Variants in GALNT9 observed in about 807,000 individuals in gnomAD.
GALNT9 encodes polypeptide N-acetylgalactosaminyltransferase 9.
GALNT9 carries 47 observed loss-of-function variants against 63.1 expected under a neutral mutation model. The ratio of observed to expected loss-of-function variants is 0.75; its 90% CI spans 0.59 to 0.95. GALNT9 has a LOEUF of 0.95. Among genes scored for constraint, GALNT9 ranks in the 40% least tolerant of loss-of-function variants. The pLI is 0.00. For missense variants in GALNT9, 829 were observed against 874.8 expected (o/e 0.95, Z 0.66); for synonymous variants, 396 against 365.7 (o/e 1.08, Z -0.94).
Position 132,263,440 on chromosome 12 carries a change from C to T in GALNT9, c.420-815G>A, listed in dbSNP as rs542425639. On this transcript the variant is annotated intron_variant, in intron 2 of 10. Transcript: ENST00000328957. ...TACGTCCTAGGACGGACTGCAGGAGCGGCTGCAGGTTGGAAAGGAGAGGTT... is the reference window on the plus strand; with the variant it reads ...TACGTCCTAGGACGGACTGCAGGAGTGGCTGCAGGTTGGAAAGGAGAGGTT... Among the ~76,000 whole-genome samples the T allele has an allele frequency of 3.0e-4, 46 of 151,472 alleles. No homozygotes were observed. In the South Asian group the frequency reaches 8.3e-3, roughly 27 times the overall value.
chr12:132,270,913 CAG>C (rs556453649), intron 2 of GALNT9, among the ~76,000 whole-genome samples: 27 of 151,860 alleles, frequency 1.8e-4, no homozygotes, highest in African/African-American at 6.5e-4. Flanking sequence ...GGCAGAGATT[CAG>C]AGAGAGCAAG....
At chr12:132,209,003 T>C (rs1876839413) in intron 6 of GALNT9, among the ~76,000 whole-genome samples, 1 of 152,218 alleles carries the variant, frequency 6.6e-6, no homozygotes, top group African/African-American at 2.4e-5. Flanking sequence ...GGTGTCCTGG[T>C]TTGGGTGACG....
chr12:132,304,909 G>T (rs868962576), intron 1 of GALNT9, among the ~76,000 whole-genome samples: 1 of 7,840 alleles, frequency 1.3e-4, no homozygotes. Context: ...GCCCGGACAC[G>T]CCCTCACCGG....
Position 132,282,604 on chromosome 12 carries a change from T to C in GALNT9, c.419+3646A>G. Among the ~76,000 whole-genome samples the C allele has an allele frequency of 6.6e-6, 1 of 152,010 alleles. No homozygotes were observed. Among genetic ancestry groups the C allele is most frequent in the Non-Finnish European group, 1.5e-5 (1 of 68,002 alleles). On this transcript the variant is annotated intron_variant, in intron 2 of 10. Transcript: ENST00000328957. The surrounding 1 kb of genome is among the most constrained non-coding windows in gnomAD (Gnocchi z 4.5). Reference sequence around the variant, plus strand: ...AAGCTCTCCCCTCTTGATGATAAGGTTGCTGCAGCTCCCCCAGCTCCCAGC... The same window carrying C: ...AAGCTCTCCCCTCTTGATGATAAGGCTGCTGCAGCTCCCCCAGCTCCCAGC...
At chr12:132,276,433 C>T (rs1011128284) in intron 2 of GALNT9, 1 of 155,266 alleles carries the variant, frequency 6.4e-6, no homozygotes, top group African/African-American at 2.4e-5. Flanking sequence ...CCCTTCCCAT[C>T]CCAGACCCGA....
At chr12:132,225,232 C>T (rs1342837509) in intron 6 of GALNT9, among the ~76,000 whole-genome samples, 6 of 144,830 alleles carry the variant, frequency 4.1e-5, no homozygotes, top group African/African-American at 1.6e-4. Context: ...TCCATATACA[C>T]ATCCCATATA....
In GALNT9 at chr12:132,252,584, G is replaced by A. The variant is rs1392958321; in HGVS notation, c.960-4557C>T. Among the ~76,000 whole-genome samples, 1 of 152,158 alleles carries A rather than the reference G, an allele frequency of 6.6e-6. No homozygotes were observed. Among genetic ancestry groups the A allele is most frequent in the African/African-American group, 2.4e-5 (1 of 41,426 alleles). Reference sequence around the variant, plus strand: ...GCCTGGGGGGAACCACTGCCATCAAGACACGGAGACCTGGCTGGGCGCACT... The same window carrying A: ...GCCTGGGGGGAACCACTGCCATCAAAACACGGAGACCTGGCTGGGCGCACT... On this transcript the variant is annotated intron_variant, in intron 5 of 10. Coordinates refer to ENST00000328957, the MANE Select transcript of GALNT9 (RefSeq NM_001122636.2). The surrounding 1 kb of genome is among the most constrained non-coding windows in gnomAD (Gnocchi z 5.2).
intron 2 of GALNT9, among the ~76,000 whole-genome samples, chr12:132,267,983 ACT>A (rs1158486659): frequency 2.0e-5 from 3 of 149,674 alleles, no homozygotes; most frequent in Non-Finnish European, 4.4e-5. Context: ...ACCCACATGA[ACT>A]CACACACATG....
intron 1 of GALNT9, among the ~76,000 whole-genome samples, chr12:132,298,235 T>C (rs906931863): frequency 2.0e-5 from 3 of 152,038 alleles, no homozygotes; most frequent in Non-Finnish European, 1.5e-5. Context: ...ATTCCCATGA[T>C]GACCATTGCA....
chr12:132,210,918 C>T (rs915092367), intron 6 of GALNT9, among the ~76,000 whole-genome samples: 20 of 151,724 alleles, frequency 1.3e-4, no homozygotes, highest in Admixed American at 6.6e-5. Context: ...GTCTGGTGGT[C>T]GGCTGCCGGC....
chr12:132,209,801 G>T (rs1350568682), intron 6 of GALNT9, among the ~76,000 whole-genome samples: 1 of 152,146 alleles, frequency 6.6e-6, no homozygotes. Flanking sequence ...GAAAACTCAG[G>T]AATAATCCAT....
At chr12:132,304,957 GCCCTCACCCGGGCACA>G (rs1258601127) in intron 1 of GALNT9, among the ~76,000 whole-genome samples, 346 of 4,924 alleles carry the variant, frequency 0.07, 6 homozygotes, top group East Asian at 0.33. Context: ...ACCCAGACAC[GCCCTCACCCGGGCACA>G]CCCTCACCCG....
Position 132,248,020 on chromosome 12 carries a change from C to A in GALNT9, c.967G>T (p.Ala323Ser). The A allele has an allele frequency of 7.1e-6, 11 of 1,550,016 alleles. No individual in the cohort carries two copies. Among genetic ancestry groups the A allele is most frequent in the Non-Finnish European group, 9.6e-6 (11 of 1,146,122 alleles). The change falls in exon 6 of 11, where the codon GCC becomes TCC. Residue 323 changes from alanine to serine, a missense_variant. Physicochemically the swap from Ala to Ser is moderately conservative, Grantham distance 99 (BLOSUM62 1). Transcript: ENST00000328957. ...GDESAPIRTP[A>S]MIGCSFVVDR... is the part of the protein sequence containing the mutation. ...ACTACGAAGGAGCAGCCGATCATGG[C>A]TGGGGTCCTGGGAGGCAGAGACAGC...
At chr12:132,215,728 C>T (rs557322003) in intron 6 of GALNT9, among the ~76,000 whole-genome samples, 2 of 152,338 alleles carry the variant, frequency 1.3e-5, no homozygotes, top group Non-Finnish European at 2.9e-5. Context: ...ACGTGGCTCA[C>T]GTGGCAGCAC....
rs375454272 is a variant in GALNT9, at chr12:132,203,706, G to A, written c.1078-16C>T. ...ACTGCCACACCTGCGGGGAGACGGC[G>A]CTGGGTGCCGGCGTCCTTCCCAACG... is the stretch of plus-strand genomic sequence containing the variant. On this transcript the variant is annotated splice_polypyrimidine_tract_variant and intron_variant, in intron 6 of 10. Coordinates refer to ENST00000328957, the MANE Select transcript of GALNT9 (RefSeq NM_001122636.2). The A allele has an allele frequency of 1.2e-4, 185 of 1,606,996 alleles. No homozygotes were observed. In the African/African-American group the frequency reaches 1.9e-3, roughly 16 times the overall value.
At chr12:132,277,654 C>G (rs573621873) in intron 2 of GALNT9, 12 of 152,406 alleles carry the variant, frequency 7.9e-5, no homozygotes, top group Admixed American at 7.2e-4. Context: ...GGGGCTCCCC[C>G]CGCGGCCCCG....
chr12:132,295,240 C>T (rs1037695948), intron 1 of GALNT9, among the ~76,000 whole-genome samples: 5 of 152,234 alleles, frequency 3.3e-5, no homozygotes, highest in East Asian at 1.9e-4. Flanking sequence ...CTGGCTTCCC[C>T]GACAGCCCCA....
chr12:132,231,197 G>A (rs1477843061), intron 6 of GALNT9, among the ~76,000 whole-genome samples: 2 of 70,046 alleles, frequency 2.9e-5, no homozygotes, highest in Non-Finnish European at 5.2e-5. Flanking sequence ...AGGAGACAGC[G>A]TGGAGTCCCC....
intron 1 of GALNT9, among the ~76,000 whole-genome samples, chr12:132,323,214 G>GT (rs112538641): frequency 0.045 from 6,889 of 152,300 alleles, 392 homozygotes; most frequent in East Asian, 0.12. Flanking sequence ...TCAGAAAATA[G>GT]TTCCAAGACT....
Sources: allele counts gnomAD v4.1 joint callset (sites outside exome capture counted in the v4.1 genomes callset), GRCh38; gene constraint gnomAD v4.1.1; non-coding constraint Gnocchi (gnomAD v3.1); transcripts MANE v1.5; gene names NCBI Gene and HGNC (gene_info 2026-07-23, HGNC 2026-07-21).